SNRPC: variants seen among roughly 807,000 people sequenced by gnomAD.
The protein encoded by SNRPC is small nuclear ribonucleoprotein polypeptide C.
SNRPC carries 5 observed loss-of-function variants against 20.0 expected under a neutral mutation model. The observed-to-expected ratio is 0.25, with a 90% CI of 0.13 to 0.53. The LOEUF (loss-of-function observed/expected upper bound fraction) is 0.53. Ranked by LOEUF, SNRPC falls within the 20% of genes least tolerant of loss-of-function variation. The pLI is 0.96. For missense variants in SNRPC, 112 were observed against 224.1 expected (o/e 0.50, Z 3.19); for synonymous variants, 61 against 58.7 (o/e 1.04, Z -0.18).
Position 34,767,920 on chromosome 6 carries a change from A to C in SNRPC, c.173A>C (p.Gln58Pro). ...TCACCCTCCAAAGCGGCTGCATTTC[A>C]ACAAGGAAAGATACCTCCTACTCCA... is the stretch of plus-strand genomic sequence containing the variant. ...SLIDKTTAAF[Q>P]QGKIPPTPFS... Residue 58 changes from glutamine to proline, a missense_variant, in exon 4 of 6, where the codon CAA (glutamine) becomes CCA (proline). By Grantham distance (76) the Gln-to-Pro change is moderately conservative. This residue lies in a region of SNRPC where 45 missense variants were observed against 48.6 expected (regional missense o/e 0.93). Coordinates refer to ENST00000244520, the MANE Select transcript of SNRPC (RefSeq NM_003093.3). 1 of 1,594,746 alleles carries C rather than the reference A, an allele frequency of 6.3e-7. No homozygotes were observed. The highest frequency in any genetic ancestry group is 8.5e-7 in the Non-Finnish European group (1 of 1,173,452).
At chr6:34,765,500 G>C (rs1208160925) in intron 3 of SNRPC, among the ~76,000 whole-genome samples, 1 of 151,930 alleles carries the variant, frequency 6.6e-6, no homozygotes, top group Non-Finnish European at 1.5e-5. Context: ...GCAGTGGCAC[G>C]ATCTCAGCTC....
At chr6:34,758,611 AGC>A (rs1222919157) in intron 2 of SNRPC, among the ~76,000 whole-genome samples, 1 of 152,160 alleles carries the variant, frequency 6.6e-6, no homozygotes, top group East Asian at 1.9e-4. Flanking sequence ...CACCATGCCC[AGC>A]CAACCCCGTC....
At chr6:34,760,820 G>A in intron 2 of SNRPC, among the ~76,000 whole-genome samples, 1 of 151,990 alleles carries the variant, frequency 6.6e-6, no homozygotes, top group Admixed American at 6.6e-5. Flanking sequence ...GCCAAGGTGG[G>A]CAGATCACGA....
chr6:34,760,426 G>T (rs76536117), intron 2 of SNRPC, among the ~76,000 whole-genome samples: 1 of 151,936 alleles, frequency 6.6e-6, no homozygotes, highest in African/African-American at 2.4e-5. Flanking sequence ...CTGATAAATT[G>T]GTATTTTTAG....
intron 3 of SNRPC, among the ~76,000 whole-genome samples, chr6:34,766,822 A>T (rs1764619351): frequency 6.6e-6 from 1 of 152,054 alleles, no homozygotes; most frequent in Non-Finnish European, 1.5e-5. Flanking sequence ...CTTTTTTTGG[A>T]TCTGATCCCA....
chr6:34,771,328 C>CAAA (rs774284128), intron 5 of SNRPC, among the ~76,000 whole-genome samples: 1 of 63,780 alleles, frequency 1.6e-5, no homozygotes, highest in Non-Finnish European at 3.6e-5. Context: ...GACTGTGTCT[C>CAAA]AAAAAAAAAA....
rs1352904902 is a variant in SNRPC, at chr6:34,773,343, AG to A, written c.356-97del. 11 of 968,722 alleles carry A rather than the reference AG, an allele frequency of 1.1e-5. No individual in the cohort carries two copies. Among genetic ancestry groups the A allele is most frequent in the Non-Finnish European group, 1.7e-5 (11 of 661,504 alleles). 60.0% of individuals were successfully genotyped at this position (968,722 alleles called of 1,614,324 possible). A position where few individuals can be genotyped will look rare whatever the true frequency, so the allele number is the denominator to read the frequency against. ...TGTGTCTTTTTTCCAGCATTTTGCA[AG>A]GGGGGCTACGTTTTTTGTTTTTAAT... is the stretch of plus-strand genomic sequence containing the variant. On this transcript the variant is annotated intron_variant, in intron 5 of 5. Coordinates refer to ENST00000244520, the MANE Select transcript of SNRPC (RefSeq NM_003093.3). This position sits in a 1 kb window ranked among gnomAD's most constrained non-coding sequence, Gnocchi z 4.1.
chr6:34,762,791 T>G, intron 3 of SNRPC, 88 bp downstream of exon 3: 1 of 700,648 alleles, frequency 1.4e-6, no homozygotes, highest in Non-Finnish European at 2.6e-6. Flanking sequence ...AGGCAACTCA[T>G]TCTGAATGAT....
At chr6:34,771,328 CAAAA>C (rs774284128) in intron 5 of SNRPC, among the ~76,000 whole-genome samples, 248 of 63,786 alleles carry the variant, frequency 3.9e-3, no homozygotes, top group African/African-American at 0.011. Context: ...GACTGTGTCT[CAAAA>C]AAAAAAAAAA....
At chr6:34,762,793 C>T in intron 3 of SNRPC, 90 bp downstream of exon 3, 1 of 698,972 alleles carries the variant, frequency 1.4e-6, no homozygotes, top group Non-Finnish European at 2.6e-6. Flanking sequence ...GCAACTCATT[C>T]TGAATGATAA....
intron 3 of SNRPC, among the ~76,000 whole-genome samples, chr6:34,765,806 A>G (rs1764605931): frequency 6.6e-6 from 1 of 151,578 alleles, no homozygotes; most frequent in African/African-American, 2.4e-5. Flanking sequence ...TGGTGCCATT[A>G]AAGCTCACTG....
chr6:34,760,563 A>G lies in SNRPC; in HGVS notation c.52-2032A>G, dbSNP rs533450305. On this transcript the variant is annotated intron_variant, in intron 2 of 5. Coordinates refer to ENST00000244520, the MANE Select transcript of SNRPC (RefSeq NM_003093.3). ...TGCCTTTCTGCCCTTTTTTGGCATTATAGTTTAATATACCTATTATTCACC... is the reference window on the plus strand; with the variant it reads ...TGCCTTTCTGCCCTTTTTTGGCATTGTAGTTTAATATACCTATTATTCACC... Among the ~76,000 whole-genome samples the G allele has an allele frequency of 2.6e-5, 4 of 152,022 alleles. No homozygotes were observed. The South Asian group carries it at 6.2e-4, about 24-fold the overall frequency.
At position 34,770,407 on chromosome 6, in the gene SNRPC, T is replaced by C. The variant is rs1419833819; in HGVS notation, c.355+12T>C. On this transcript the variant is annotated intron_variant, in intron 5 of 5. Transcript: ENST00000244520. ...GCCAGTGGGACCTGGTAAGTTTGAA[T>C]GTCTGTCTTTCTAGTTTGTTCCATT... 4 of 1,529,280 alleles carry C rather than the reference T, an allele frequency of 2.6e-6. No individual in the cohort carries two copies. The East Asian group carries it at 9.0e-5, about 34-fold the overall frequency. 94.7% of individuals were successfully genotyped at this position (1,529,280 alleles called of 1,614,324 possible).
chr6:34,764,306 G>A (rs1333646298), intron 3 of SNRPC, among the ~76,000 whole-genome samples: 15 of 151,588 alleles, frequency 9.9e-5, no homozygotes, highest in African/African-American at 2.9e-4. Flanking sequence ...GAGAAACCCC[G>A]TCTCTACTAA....
Position 34,757,518 on chromosome 6 carries a change from G to C in SNRPC, c.-26G>C. On this transcript the variant is annotated 5_prime_UTR_variant, in exon 1 of 6. Coordinates refer to ENST00000244520, the MANE Select transcript of SNRPC (RefSeq NM_003093.3). ...CGTCATTTCCGGGCGTCACGTAACG[G>C]AGTGGCCAACGGCCTGCAGAGCAAC... The C allele has an allele frequency of 6.2e-7, 1 of 1,612,822 alleles. No individual in the cohort carries two copies. Among genetic ancestry groups the C allele is most frequent in the African/African-American group, 1.3e-5 (1 of 75,022 alleles).
In SNRPC at chr6:34,762,768, G is replaced by T. The variant is rs1032751716; in HGVS notation, c.160+65G>T. The T allele has an allele frequency of 1.5e-5, 13 of 845,076 alleles. No individual in the cohort carries two copies. The African/African-American group carries it at 2.0e-4, about 13-fold the overall frequency. 52.3% of individuals were successfully genotyped at this position (845,076 alleles called of 1,614,324 possible). A position where few individuals can be genotyped will look rare whatever the true frequency, so the allele number is the denominator to read the frequency against. ...CTATTCTTTCTTATCCCTGTCTCTG[G>T]TGTTTTTCACAGAGGCAACTCATTC... On this transcript the variant is annotated intron_variant, in intron 3 of 5. Transcript: ENST00000244520.
chr6:34,769,229 CTTTTTT>C (rs11408407), intron 4 of SNRPC, among the ~76,000 whole-genome samples: 1 of 129,136 alleles, frequency 7.7e-6, no homozygotes. Flanking sequence ...TTCTTTCTTT[CTTTTTT>C]TTTTTTTTTT....
intron 2 of SNRPC, among the ~76,000 whole-genome samples, chr6:34,760,033 G>A (rs1194810878): frequency 6.6e-6 from 1 of 151,270 alleles, no homozygotes; most frequent in Non-Finnish European, 1.5e-5. Context: ...GTCAGATGTA[G>A]TACAGCATTA....
intron 4 of SNRPC, among the ~76,000 whole-genome samples, chr6:34,769,176 G>T (rs1363029208): frequency 2.6e-5 from 4 of 150,954 alleles, no homozygotes; most frequent in Non-Finnish European, 5.9e-5. Context: ...TTTGATAGCG[G>T]AATAGTCTAT....
Sources: gnomAD v4.1 joint callset for allele counts (sites outside exome capture counted in the v4.1 genomes callset) on GRCh38, gnomAD v4.1.1 for gene constraint, gnomAD v4.1.1 regional missense constraint, Gnocchi (gnomAD v3.1) non-coding constraint, MANE v1.5 for transcripts, NCBI Gene and HGNC (gene_info 2026-07-23, HGNC 2026-07-21) for gene names.